The following TM9SF2 variants were observed in gnomAD, a reference collection of about 807,000 sequenced individuals.
TM9SF2 encodes the protein transmembrane 9 superfamily member 2.
In TM9SF2, 13 loss-of-function variants were observed where a neutral mutation model predicts 84.9. That is an observed-to-expected ratio of 0.15 (90% CI 0.10 to 0.24). The LOEUF is 0.24. Among genes scored for constraint, TM9SF2 ranks in the 10% least tolerant of loss-of-function variants. TM9SF2 has a pLI of 1.00. For synonymous variants in TM9SF2, 273 were observed against 285.8 expected, an observed-to-expected ratio of 0.96 and a Z score of 0.45; for missense variants, 562 against 818.5, an observed-to-expected ratio of 0.69 and a Z score of 3.82.
At chr13:99,544,885 T>A (rs185554330) in intron 10 of TM9SF2, among the ~76,000 whole-genome samples, 78 of 152,284 alleles carry the variant, frequency 5.1e-4, no homozygotes, top group African/African-American at 1.4e-3. Flanking sequence ...TTTTTTTTTT[T>A]AAATAAATGT....
At chr13:99,537,920 A>G in intron 6 of TM9SF2, 57 bp downstream of exon 6, 2 of 1,549,048 alleles carry the variant, frequency 1.3e-6, no homozygotes, top group South Asian at 1.2e-5. Flanking sequence ...GACCCAAAGA[A>G]TAAGTATTTG....
chr13:99,559,616 C>A (rs2046336554), intron 16 of TM9SF2, 82 bp downstream of exon 16: 2 of 1,311,270 alleles, frequency 1.5e-6, no homozygotes, highest in Non-Finnish European at 2.1e-6. Context: ...TTTTTAAAAC[C>A]CATGAAGGCT....
chr13:99,510,201 A>G (rs765579910), intron 1 of TM9SF2, among the ~76,000 whole-genome samples: 6 of 152,168 alleles, frequency 3.9e-5, no homozygotes, highest in Non-Finnish European at 7.3e-5. Context: ...TTTACTGTCC[A>G]TATCACTATC....
rs939031235 is a variant in TM9SF2 at position 99,564,043 on chromosome 13, T to A, written c.*1285T>A. 2 of 149,660 alleles carry A rather than the reference T, an allele frequency of 1.3e-5. No individual in the cohort carries two copies. Among genetic ancestry groups the A allele is most frequent in the African/African-American group, 2.5e-5 (1 of 40,242 alleles). 9.3% of individuals were successfully genotyped at this position (149,660 alleles called of 1,614,324 possible). On this transcript the variant is annotated 3_prime_UTR_variant, in exon 17 of 17. Coordinates refer to ENST00000376387, the MANE Select transcript of TM9SF2 (RefSeq NM_004800.3). ...TTATATGATATTGCTGGGTTCTTAC[T>A]GAATAATTTTTTTTTTTTTTTGAGA...
At position 99,541,856 on chromosome 13, in the gene TM9SF2, A is replaced by G. The variant is rs2046261085; in HGVS notation, c.1017+189A>G. 40 of 428,566 alleles carry G rather than the reference A, an allele frequency of 9.3e-5. 1 individual carries two copies. The South Asian group carries it at 9.7e-4, about 10-fold the overall frequency. The allele number at this position is 428,566 out of a possible 1,614,324, so 26.5% of individuals were successfully genotyped here. On this transcript the variant is annotated intron_variant, in intron 9 of 16. Transcript: ENST00000376387. ...TCAAATAAGAAAGTGATACTTAAGA[A>G]TTAATATTCTTGGCTGGGCGCGGTG...
intron 4 of TM9SF2, among the ~76,000 whole-genome samples, chr13:99,529,975 A>G (rs550729616): frequency 1.1e-3 from 172 of 152,204 alleles, no homozygotes; most frequent in Non-Finnish European, 1.3e-3. Flanking sequence ...TTCCCAGTGC[A>G]TATAAAAGTT....
At chr13:99,546,445 T>C (rs2046282904) in intron 10 of TM9SF2, among the ~76,000 whole-genome samples, 1 of 152,208 alleles carries the variant, frequency 6.6e-6, no homozygotes, top group African/African-American at 2.4e-5. Context: ...TTTCCCCGTA[T>C]TGCTGACAAG....
chr13:99,526,399 A>G (rs1185194442), intron 3 of TM9SF2, among the ~76,000 whole-genome samples: 1 of 152,254 alleles, frequency 6.6e-6, no homozygotes, highest in Non-Finnish European at 1.5e-5. Flanking sequence ...TTTGGATGTT[A>G]TGAAAGATGG....
intron 16 of TM9SF2, among the ~76,000 whole-genome samples, chr13:99,561,483 T>G (rs1054027366): frequency 6.6e-6 from 1 of 152,236 alleles, no homozygotes; most frequent in African/African-American, 2.4e-5. Flanking sequence ...GTTTTCATTA[T>G]TGCTTTTCTG....
chr13:99,525,969 C>G (rs542916699), intron 3 of TM9SF2, among the ~76,000 whole-genome samples: 2 of 152,324 alleles, frequency 1.3e-5, no homozygotes, highest in South Asian at 2.1e-4. Flanking sequence ...TGTCCTTGCT[C>G]TGGCAAGAAG....
At chr13:99,506,400 A>G (rs755457709) in intron 1 of TM9SF2, among the ~76,000 whole-genome samples, 14 of 152,168 alleles carry the variant, frequency 9.2e-5, no homozygotes, top group Non-Finnish European at 2.1e-4. Context: ...AGCTTCTGGG[A>G]ACTCATTAGT....
Position 99,554,322 on chromosome 13 carries a change from C to T in TM9SF2, c.1507C>T (p.Arg503Ter). Residue 503 changes from arginine to a stop codon, truncating the protein, a stop_gained, in exon 14 of 17, where the codon CGA (arginine) becomes TGA (stop). Transcript: ENST00000376387. LOFTEE classifies it high-confidence loss of function. ...ACTGAAGGCCATTGAACACCCAGTT[C>T]GAACCAATCAGATTCCACGTCAGAT... Reference protein sequence around the residue: ...FKKNAIEHPVRTNQIPRQIPE... With the variant: ...FKKNAIEHPV The T allele has an allele frequency of 6.2e-7, 1 of 1,613,624 alleles. No homozygotes were observed. Among genetic ancestry groups the T allele is most frequent in the Non-Finnish European group, 8.5e-7 (1 of 1,179,820 alleles).
chr13:99,549,976 A>G (rs2046298947), intron 12 of TM9SF2, among the ~76,000 whole-genome samples: 1 of 152,202 alleles, frequency 6.6e-6, no homozygotes, highest in South Asian at 2.1e-4. Flanking sequence ...CTTCTCAGTT[A>G]TCGGTTCTAT....
At chr13:99,510,457 G>T (rs2046108867) in intron 1 of TM9SF2, among the ~76,000 whole-genome samples, 2 of 152,220 alleles carry the variant, frequency 1.3e-5, no homozygotes, top group South Asian at 2.1e-4. Flanking sequence ...GGTTTAATTG[G>T]CTCACGATTC....
chr13:99,560,236 G>T (rs1430787181), intron 16 of TM9SF2, among the ~76,000 whole-genome samples: 6 of 152,120 alleles, frequency 3.9e-5, no homozygotes, highest in Non-Finnish European at 8.8e-5. Context: ...TGTCATGGAA[G>T]AAAATGCAGG....
intron 4 of TM9SF2, among the ~76,000 whole-genome samples, chr13:99,536,311 T>C (rs2046234129): frequency 6.6e-6 from 1 of 151,958 alleles, no homozygotes; most frequent in Admixed American, 6.5e-5. Flanking sequence ...TTTTTTTTTT[T>C]TCTTTTTTTA....
At chr13:99,529,162 C>G (rs1165410456) in intron 3 of TM9SF2, among the ~76,000 whole-genome samples, 2 of 152,166 alleles carry the variant, frequency 1.3e-5, no homozygotes, top group African/African-American at 4.8e-5. Flanking sequence ...GACTAAAGTT[C>G]CATTTTTGTT....
chr13:99,512,803 T>C (rs1436611572), intron 1 of TM9SF2, among the ~76,000 whole-genome samples: 1 of 152,182 alleles, frequency 6.6e-6, no homozygotes, highest in Non-Finnish European at 1.5e-5. Flanking sequence ...GCTTAAGGGC[T>C]GAGTGAGGTG....
At chr13:99,538,242 G>A (rs2046242777) in intron 6 of TM9SF2, among the ~76,000 whole-genome samples, 2 of 152,160 alleles carry the variant, frequency 1.3e-5, no homozygotes, top group African/African-American at 4.8e-5. Flanking sequence ...GAGTGGACAA[G>A]TACTGTGATT....
Sources: gnomAD v4.1 joint callset for allele counts (sites outside exome capture counted in the v4.1 genomes callset) on GRCh38, gnomAD v4.1.1 for gene constraint, MANE v1.5 for transcripts, NCBI Gene and HGNC (gene_info 2026-07-23, HGNC 2026-07-21) for gene names.